Variants in ARHGAP24 observed in about 807,000 individuals in gnomAD.
ARHGAP24 encodes the protein rho GTPase-activating protein 24.
ARHGAP24 carries 50 observed loss-of-function variants against 76.4 expected under a neutral mutation model. That is an observed-to-expected ratio of 0.65 (90% CI 0.52 to 0.83). The LOEUF is 0.83. Among genes scored for constraint, ARHGAP24 ranks in the 40% least tolerant of loss-of-function variants. The pLI, the probability that ARHGAP24 is intolerant of heterozygous loss-of-function variation, is 0.00. For missense variants in ARHGAP24, 930 were observed against 914.2 expected (o/e 1.02, Z -0.22); for synonymous variants, 345 against 323.3 (o/e 1.07, Z -0.72).
At chr4:85,688,271 T>A (rs1374577936) in intron 2 of ARHGAP24, among the ~76,000 whole-genome samples, 2 of 152,228 alleles carry the variant, frequency 1.3e-5, no homozygotes, top group Non-Finnish European at 2.9e-5. Context: ...CCATTCTGAC[T>A]GGTGTGACAT....
At chr4:85,810,792 A>C (rs1026204480) in intron 3 of ARHGAP24, among the ~76,000 whole-genome samples, 7 of 152,240 alleles carry the variant, frequency 4.6e-5, no homozygotes, top group African/African-American at 1.7e-4. Context: ...GTAGAGATAT[A>C]AAATTATTAT....
At chr4:85,654,639 A>C (rs938621991) in intron 2 of ARHGAP24, among the ~76,000 whole-genome samples, 3 of 152,182 alleles carry the variant, frequency 2.0e-5, no homozygotes, top group Admixed American at 1.3e-4. Flanking sequence ...AAAAAAATAT[A>C]TTTTAATCTA....
At chr4:85,488,792 A>G (rs768795489) in intron 1 of ARHGAP24, among the ~76,000 whole-genome samples, 1 of 152,228 alleles carries the variant, frequency 6.6e-6, no homozygotes, top group Non-Finnish European at 1.5e-5. Flanking sequence ...AAATGGAGAA[A>G]AGAGTCACTA....
chr4:85,969,199 A>G (rs1738814122), intron 5 of ARHGAP24, among the ~76,000 whole-genome samples: 2 of 152,130 alleles, frequency 1.3e-5, no homozygotes, highest in South Asian at 2.1e-4. Flanking sequence ...AAGTTTCTCA[A>G]TACCATAGTT....
chr4:85,599,935 AATTAGGATAAGGTATC>A (rs1199261480), intron 2 of ARHGAP24, among the ~76,000 whole-genome samples: 1 of 152,176 alleles, frequency 6.6e-6, no homozygotes, highest in East Asian at 1.9e-4. Context: ...ATGGGAGTCA[AATTAGGATAAGGTATC>A]ATGGTTTGAG....
chr4:85,878,942 G>A (rs768506240), intron 3 of ARHGAP24, among the ~76,000 whole-genome samples: 4 of 152,110 alleles, frequency 2.6e-5, no homozygotes, highest in Non-Finnish European at 5.9e-5. Flanking sequence ...TATAAAAAGT[G>A]GAATGAAAAA....
chr4:85,571,146 G>C (rs1053464771), intron 2 of ARHGAP24, among the ~76,000 whole-genome samples: 3 of 152,188 alleles, frequency 2.0e-5, no homozygotes, highest in African/African-American at 7.2e-5. Context: ...TCAATTCTCA[G>C]AGGTTTCCCT....
intron 2 of ARHGAP24, among the ~76,000 whole-genome samples, chr4:85,666,432 G>C (rs1722621271): frequency 6.6e-6 from 1 of 151,990 alleles, no homozygotes; most frequent in South Asian, 2.1e-4. Context: ...CTTTGCCTTT[G>C]GTTTGAATTT....
Position 86,002,144 on chromosome 4 carries a change from A to T in ARHGAP24, c.*1422A>T, listed in dbSNP as rs902028270. On this transcript the variant is annotated 3_prime_UTR_variant, in exon 10 of 10. Transcript: ENST00000395184. ...AAAAAGTTACAAAAGGCATAATCGG[A>T]AATAGAGACTACATACTTGAGTTTA... 2 of 152,204 alleles carry T rather than the reference A, an allele frequency of 1.3e-5. No homozygotes were observed. Among genetic ancestry groups the T allele is most frequent in the Non-Finnish European group, 2.9e-5 (2 of 68,042 alleles). The allele number at this position is 152,204 out of a possible 1,614,324, so 9.4% of individuals were successfully genotyped here.
chr4:85,537,475 A>G (rs1228870750), intron 1 of ARHGAP24, among the ~76,000 whole-genome samples: 1 of 152,184 alleles, frequency 6.6e-6, no homozygotes, highest in Non-Finnish European at 1.5e-5. Context: ...TGCAGCTGTA[A>G]AAATCCATAT....
intron 9 of ARHGAP24, 21 bp downstream of exon 9, chr4:85,995,678 G>T: frequency 6.2e-7 from 1 of 1,606,566 alleles, no homozygotes; most frequent in Non-Finnish European, 8.5e-7. Flanking sequence ...TCTGGAGGTC[G>T]TAACTACCAG....
chr4:85,784,905 CTCTATCTATCTATCTATCTATCTATCTA>C (rs59888935), intron 3 of ARHGAP24, among the ~76,000 whole-genome samples: 12 of 147,772 alleles, frequency 8.1e-5, no homozygotes, highest in Admixed American at 2.7e-4. Context: ...GATTATATAT[CTCTATCTATCTATCTATCTATCTATCTA>C]TCTATCTATC....
At chr4:85,612,994 C>T (rs889144179) in intron 2 of ARHGAP24, among the ~76,000 whole-genome samples, 2 of 151,700 alleles carry the variant, frequency 1.3e-5, no homozygotes, top group African/African-American at 2.4e-5. Flanking sequence ...AGCAGGGTTT[C>T]GCCATGTTGC....
At chr4:85,919,724 A>G (rs1735619591) in intron 3 of ARHGAP24, among the ~76,000 whole-genome samples, 1 of 152,200 alleles carries the variant, frequency 6.6e-6, no homozygotes, top group South Asian at 2.1e-4. Flanking sequence ...TCAGGCAGAT[A>G]CACACTGTAG....
chr4:85,580,969 T>C (rs1228152157), intron 2 of ARHGAP24, among the ~76,000 whole-genome samples: 1 of 152,192 alleles, frequency 6.6e-6, no homozygotes, highest in Non-Finnish European at 1.5e-5. Flanking sequence ...TATGTTATAC[T>C]CTTATATTTT....
At chr4:85,928,188 T>C (rs563390101) in intron 4 of ARHGAP24, among the ~76,000 whole-genome samples, 1 of 152,076 alleles carries the variant, frequency 6.6e-6, no homozygotes, top group East Asian at 1.9e-4. Flanking sequence ...TGTCAAACAT[T>C]TATTTAGCTT....
At chr4:85,589,513 T>C (rs1006127664) in intron 2 of ARHGAP24, among the ~76,000 whole-genome samples, 9 of 152,166 alleles carry the variant, frequency 5.9e-5, no homozygotes, top group Non-Finnish European at 7.3e-5. Flanking sequence ...TTTGAGTAAG[T>C]TCTTTTTCTC....
At chr4:85,720,497 T>C (rs1204826642) in intron 2 of ARHGAP24, among the ~76,000 whole-genome samples, 3 of 152,208 alleles carry the variant, frequency 2.0e-5, no homozygotes, top group Non-Finnish European at 4.4e-5. Flanking sequence ...ACTTGCATTT[T>C]AATTTGACTA....
intron 2 of ARHGAP24, among the ~76,000 whole-genome samples, chr4:85,661,339 C>T (rs1722378149): frequency 6.6e-6 from 1 of 152,138 alleles, no homozygotes; most frequent in South Asian, 2.1e-4. Flanking sequence ...TCTGGTTTAT[C>T]TTTTTCTCTG....
Sources: allele counts gnomAD v4.1 joint callset (sites outside exome capture counted in the v4.1 genomes callset), GRCh38; gene constraint gnomAD v4.1.1; transcripts MANE v1.5; gene names NCBI Gene and HGNC (gene_info 2026-07-23, HGNC 2026-07-21).